TOMM70: variants seen among roughly 807,000 people sequenced by gnomAD.
TOMM70 encodes mitochondrial import receptor subunit TOM70.
Under a neutral mutation model 73.6 loss-of-function variants are expected in TOMM70, and 13 were observed. The ratio of observed to expected loss-of-function variants is 0.18; its 90% CI spans 0.11 to 0.28. The LOEUF is 0.28. Among genes scored for constraint, TOMM70 ranks in the 10% least tolerant of loss-of-function variants. The probability of loss-of-function intolerance (pLI) is 1.00; values close to 1 mark genes in which losing one functional copy is unlikely to be tolerated. For synonymous variants in TOMM70, 257 were observed against 271.2 expected, an observed-to-expected ratio of 0.95 and a Z score of 0.51; for missense variants, 609 against 747.5, an observed-to-expected ratio of 0.81 and a Z score of 2.16.
intron 3 of TOMM70, 129 bp downstream of exon 3, chr3:100,386,089 C>CT: frequency 9.9e-7 from 1 of 1,007,588 alleles, no homozygotes; most frequent in Non-Finnish European, 1.4e-6. Flanking sequence ...AAGACACAAT[C>CT]TTAAGTGCAA....
rs1457040626 is a variant in TOMM70 at position 100,365,078 on chromosome 3, C to T, written c.*486G>A. The T allele has an allele frequency of 6.5e-6, 1 of 153,614 alleles. No homozygotes were observed. Among genetic ancestry groups the T allele is most frequent in the Admixed American group, 6.4e-5 (1 of 15,590 alleles). 9.5% of individuals were successfully genotyped at this position (153,614 alleles called of 1,614,324 possible). ...GGTCTCTCAATTTTACTTTAATCCC[C>T]CATTTAACCTTTGTTTCTTTCAAAA... is the stretch of plus-strand genomic sequence containing the variant. On this transcript the variant is annotated 3_prime_UTR_variant, in exon 12 of 12. Coordinates refer to ENST00000284320, the MANE Select transcript of TOMM70 (RefSeq NM_014820.5).
intron 3 of TOMM70, 75 bp from the exon 4 acceptor site, chr3:100,384,663 T>G (rs1576215558): frequency 1.9e-6 from 2 of 1,049,336 alleles, no homozygotes; most frequent in East Asian, 5.2e-5. Flanking sequence ...ATGGGTACAA[T>G]GTAACTACAG....
intron 1 of TOMM70, among the ~76,000 whole-genome samples, chr3:100,395,023 GATTGT>G (rs1234286521): frequency 2.0e-5 from 3 of 152,304 alleles, no homozygotes; most frequent in African/African-American, 7.2e-5. Flanking sequence ...GCAGGATTAT[GATTGT>G]AGGTCATGCA....
At chr3:100,387,759 C>A (rs1167288880) in intron 1 of TOMM70, among the ~76,000 whole-genome samples, 1 of 152,018 alleles carries the variant, frequency 6.6e-6, no homozygotes, top group African/African-American at 2.4e-5. Context: ...CCTCAGCCTC[C>A]CGAGTAGCTA....
intron 4 of TOMM70, among the ~76,000 whole-genome samples, chr3:100,384,112 T>C (rs1416901278): frequency 2.0e-5 from 3 of 152,158 alleles, no homozygotes; most frequent in Admixed American, 6.5e-5. Context: ...GGCTTTGGAG[T>C]CTATACAGTT....
intron 1 of TOMM70, among the ~76,000 whole-genome samples, chr3:100,392,252 T>C (rs1442933938): frequency 6.6e-6 from 1 of 152,174 alleles, no homozygotes; most frequent in East Asian, 1.9e-4. Flanking sequence ...GGTAAATTTT[T>C]GAGCCAACAA....
Position 100,392,198 on chromosome 3 carries a change from G to A in TOMM70, c.325-5220C>T, listed in dbSNP as rs369831861. On this transcript the variant is annotated intron_variant, in intron 1 of 11. Coordinates refer to ENST00000284320, the MANE Select transcript of TOMM70 (RefSeq NM_014820.5). ...CCACTAATGATGCACTTATTGGAACGCATCTCTACTGTTAAGTGATGCATG... is the reference window on the plus strand; with the variant it reads ...CCACTAATGATGCACTTATTGGAACACATCTCTACTGTTAAGTGATGCATG... 3.9e-5 allele frequency among the ~76,000 whole-genome samples: 6 copies of A among 152,228 alleles called. No individual in the cohort carries two copies. The South Asian group carries it at 8.3e-4, about 21-fold the overall frequency.
chr3:100,370,885 T>C (rs1205360555), intron 9 of TOMM70, among the ~76,000 whole-genome samples: 3 of 152,160 alleles, frequency 2.0e-5, no homozygotes, highest in Non-Finnish European at 4.4e-5. Context: ...TGTTCCCCAG[T>C]AGTGGTTCCT....
intron 1 of TOMM70, among the ~76,000 whole-genome samples, chr3:100,397,742 A>G (rs1399639611): frequency 1.3e-5 from 2 of 152,054 alleles, no homozygotes; most frequent in Non-Finnish European, 2.9e-5. Context: ...TACAAAAATT[A>G]GCCAGGCGTG....
chr3:100,383,663 A>G (rs1297259855), intron 4 of TOMM70, among the ~76,000 whole-genome samples: 2 of 152,228 alleles, frequency 1.3e-5, no homozygotes, highest in Non-Finnish European at 2.9e-5. Flanking sequence ...TCACTCAGCT[A>G]ATATCCAGAG....
intron 5 of TOMM70, 101 bp from the exon 6 acceptor site, chr3:100,378,013 G>A (rs544648669): frequency 1.6e-5 from 15 of 943,366 alleles, no homozygotes; most frequent in East Asian, 2.7e-5. Flanking sequence ...TTGGGAGGCC[G>A]AGGTGGGCGG....
At chr3:100,394,225 TTTTA>T (rs1706794741) in intron 1 of TOMM70, among the ~76,000 whole-genome samples, 1 of 152,210 alleles carries the variant, frequency 6.6e-6, no homozygotes, top group Admixed American at 6.5e-5. Context: ...CTTAAAATGG[TTTTA>T]TTGTTTTAAA....
At chr3:100,367,901 C>T (rs932288613) in intron 11 of TOMM70, 143 bp downstream of exon 11, 2 of 913,752 alleles carry the variant, frequency 2.2e-6, no homozygotes, top group Non-Finnish European at 3.0e-6. Flanking sequence ...ATGTCACTGC[C>T]TTAGCACATT....
intron 1 of TOMM70, among the ~76,000 whole-genome samples, chr3:100,398,256 T>C (rs532244145): frequency 6.6e-6 from 1 of 151,944 alleles, no homozygotes; most frequent in South Asian, 2.1e-4. Context: ...TGGTGGCGCA[T>C]GCCTGTAATC....
intron 1 of TOMM70, among the ~76,000 whole-genome samples, chr3:100,399,778 T>C (rs1576221040): frequency 6.8e-6 from 1 of 146,408 alleles, no homozygotes; most frequent in African/African-American, 2.6e-5. Flanking sequence ...GGCCTGGACC[T>C]GGGGCAGGGG....
At chr3:100,384,120 G>C (rs1313744363) in intron 4 of TOMM70, among the ~76,000 whole-genome samples, 1 of 152,190 alleles carries the variant, frequency 6.6e-6, no homozygotes, top group African/African-American at 2.4e-5. Context: ...AGTCTATACA[G>C]TTTGTCACAA....
At chr3:100,375,767 A>G (rs1399194034) in intron 6 of TOMM70, among the ~76,000 whole-genome samples, 1 of 152,168 alleles carries the variant, frequency 6.6e-6, no homozygotes, top group African/African-American at 2.4e-5. Flanking sequence ...TACGTTACCC[A>G]GGGTAGTCTA....
chr3:100,377,476 G>A, intron 6 of TOMM70: 1 of 477,494 alleles, frequency 2.1e-6, no homozygotes, highest in South Asian at 2.4e-5. Context: ...GAAACTACCG[G>A]ATGCTATAGG....
Position 100,381,597 on chromosome 3 carries a change from T to C in TOMM70, c.884+18A>G, listed in dbSNP as rs1349751167. 6.2e-7 allele frequency: 1 copy of C among 1,609,402 alleles called. No individual in the cohort carries two copies. Among genetic ancestry groups the C allele is most frequent in the Non-Finnish European group, 8.5e-7 (1 of 1,177,338 alleles). Reference sequence around the variant, plus strand: ...ACCCAAAACACCACTAAGTAGACACTATGCTTGACATACTTACTTTTCTTT... The same window carrying C: ...ACCCAAAACACCACTAAGTAGACACCATGCTTGACATACTTACTTTTCTTT... On this transcript the variant is annotated intron_variant, in intron 5 of 11. Coordinates refer to ENST00000284320, the MANE Select transcript of TOMM70 (RefSeq NM_014820.5).
Sources: allele counts gnomAD v4.1 joint callset (sites outside exome capture counted in the v4.1 genomes callset), GRCh38; gene constraint gnomAD v4.1.1; transcripts MANE v1.5; gene names NCBI Gene and HGNC (gene_info 2026-07-23, HGNC 2026-07-21).